ABHD2: variants seen among roughly 807,000 people sequenced by gnomAD.
ABHD2 encodes the protein monoacylglycerol lipase ABHD2.
In ABHD2, 20 loss-of-function variants were observed where a neutral mutation model predicts 48.1. That is an observed-to-expected ratio of 0.42 (90% CI 0.29 to 0.60). The LOEUF (loss-of-function observed/expected upper bound fraction) is 0.60. Among genes scored for constraint, ABHD2 ranks in the 20% least tolerant of loss-of-function variants. ABHD2 has a pLI of 0.24. For synonymous variants in ABHD2, 209 were observed against 214.2 expected, an observed-to-expected ratio of 0.98 and a Z score of 0.21; for missense variants, 405 against 550.9, an observed-to-expected ratio of 0.74 and a Z score of 2.65.
At chr15:89,064,305 T>C in the ABHD2 span, among the ~76,000 whole-genome samples, 1 of 150,574 alleles carries the variant, frequency 6.6e-6, no homozygotes, top group Non-Finnish European at 1.5e-5. Flanking sequence ...CTGCAACCTC[T>C]GCCTCCCGGG....
chr15:89,112,016 T>G (rs2049883481), intron 1 of ABHD2, among the ~76,000 whole-genome samples: 1 of 152,148 alleles, frequency 6.6e-6, no homozygotes, highest in East Asian at 1.9e-4. Context: ...AGAAGGGACC[T>G]TAGATGCTTT....
At chr15:89,158,518 A>G (rs968287808) in intron 5 of ABHD2, among the ~76,000 whole-genome samples, 1 of 152,174 alleles carries the variant, frequency 6.6e-6, no homozygotes, top group Non-Finnish European at 1.5e-5. Context: ...CTGGGTCAGG[A>G]GACAGGCTCT....
intron 1 of ABHD2, chr15:89,090,323 G>C (rs1269892330): frequency 6.6e-6 from 1 of 152,172 alleles, no homozygotes; most frequent in Admixed American, 6.5e-5. Context: ...GTTTTGAGAA[G>C]TGCATGGAGT....
chr15:89,175,932 C>T lies in ABHD2; in HGVS notation c.659C>T (p.Thr220Ile). ...ATTGTGTGCAAATACTTGGGGGAGA[C>T]TCAGGCAAACCAAGAGAAGGTCCTG... is the stretch of plus-strand genomic sequence containing the variant. ...GNIVCKYLGE[T>I]QANQEKVLCC... The change falls in exon 6 of 11, where the codon ACT becomes ATT. Residue 220 changes from threonine to isoleucine, a missense_variant. Coordinates refer to ENST00000352732, the MANE Select transcript of ABHD2 (RefSeq NM_152924.5). This position sits in a 1 kb window ranked among gnomAD's most constrained non-coding sequence, Gnocchi z 5.7. The T allele has an allele frequency of 6.2e-7, 1 of 1,614,090 alleles. No homozygotes were observed. Among genetic ancestry groups the T allele is most frequent in the Non-Finnish European group, 8.5e-7 (1 of 1,179,996 alleles).
At chr15:89,073,255 G>A in the ABHD2 span, among the ~76,000 whole-genome samples, 1 of 152,164 alleles carries the variant, frequency 6.6e-6, no homozygotes, top group South Asian at 2.1e-4. Flanking sequence ...GGACCTAGGT[G>A]TGAGCTCAGA....
At chr15:89,076,988 T>G in the ABHD2 span, among the ~76,000 whole-genome samples, 2 of 152,220 alleles carry the variant, frequency 1.3e-5, no homozygotes, top group Non-Finnish European at 2.9e-5. Context: ...TCTATTTTGC[T>G]TTCTTGTTTT....
At chr15:89,140,200 A>C (rs1445986737) in intron 3 of ABHD2, among the ~76,000 whole-genome samples, 1 of 152,214 alleles carries the variant, frequency 6.6e-6, no homozygotes, top group Non-Finnish European at 1.5e-5. Context: ...CTCACGTGCT[A>C]TGTTAGCAGT....
At chr15:89,134,476 T>C (rs554841380) in intron 3 of ABHD2, among the ~76,000 whole-genome samples, 4 of 152,202 alleles carry the variant, frequency 2.6e-5, no homozygotes, top group African/African-American at 9.7e-5. Context: ...TCCAGTCTTT[T>C]GTGTTCTGTT....
At position 89,114,901 on chromosome 15, in the gene ABHD2, G is replaced by T. The variant is rs1462952062; in HGVS notation, c.-7+1077G>T. Among the ~76,000 whole-genome samples, 2 of 152,158 alleles carry T rather than the reference G, an allele frequency of 1.3e-5. No homozygotes were observed. The highest frequency in any genetic ancestry group is 2.1e-4 in the South Asian group (1 of 4,834). ...GTAAGTTTTTAAAAATCCTTGTCTTGCCCTGATGGTGGAAGACTAGTTACG... is the reference window on the plus strand; with the variant it reads ...GTAAGTTTTTAAAAATCCTTGTCTTTCCCTGATGGTGGAAGACTAGTTACG... On this transcript the variant is annotated intron_variant, in intron 2 of 10. Coordinates refer to ENST00000352732, the MANE Select transcript of ABHD2 (RefSeq NM_152924.5). This position sits in a 1 kb window ranked among gnomAD's most constrained non-coding sequence, Gnocchi z 4.2.
rs991566252 is a variant in ABHD2, at chr15:89,175,927, G to A, written c.654G>A (p.Gly218=). ...GTAACATTGTGTGCAAATACTTGGG[G>A]GAGACTCAGGCAAACCAAGAGAAGG... ...LGGNIVCKYL[G]ETQANQEKVL... The change falls in exon 6 of 11, where the codon GGG becomes GGA. Residue 218 remains glycine, a synonymous_variant. Transcript: ENST00000352732. This position sits in a 1 kb window ranked among gnomAD's most constrained non-coding sequence, Gnocchi z 5.7. 1.2e-6 allele frequency: 2 copies of A among 1,614,112 alleles called. No homozygotes were observed. Among genetic ancestry groups the A allele is most frequent in the Admixed American group, 3.3e-5 (2 of 60,000 alleles).
At chr15:89,070,724 C>T in the ABHD2 span, among the ~76,000 whole-genome samples, 1 of 152,128 alleles carries the variant, frequency 6.6e-6, no homozygotes, top group Non-Finnish European at 1.5e-5. Context: ...AGTGGGCAAG[C>T]CTCTAGAATA....
In ABHD2 at chr15:89,106,511, C is replaced by G. The variant is rs2049788529; in HGVS notation, c.-106-7214C>G. ...CTGTGCAGTTCCCGAAGCCTCCTGG[C>G]TATGTTCTGAGGCTCTCCCATCCCA... On this transcript the variant is annotated intron_variant, in intron 1 of 10. Coordinates refer to ENST00000352732, the MANE Select transcript of ABHD2 (RefSeq NM_152924.5). The surrounding 1 kb of genome is among the most constrained non-coding windows in gnomAD (Gnocchi z 4.2). 1 of 152,194 alleles carries G rather than the reference C, an allele frequency of 6.6e-6. No homozygotes were observed. Among genetic ancestry groups the G allele is most frequent in the African/African-American group, 2.4e-5 (1 of 41,410 alleles). 9.4% of individuals were successfully genotyped at this position (152,194 alleles called of 1,614,324 possible).
chr15:89,123,244 C>G (rs2050079374), intron 3 of ABHD2, among the ~76,000 whole-genome samples: 1 of 152,174 alleles, frequency 6.6e-6, no homozygotes, highest in African/African-American at 2.4e-5. Context: ...ATGGGAGGAG[C>G]CCTGTGGCCC....
chr15:89,093,364 G>C (rs982287680), intron 1 of ABHD2, among the ~76,000 whole-genome samples: 2 of 151,906 alleles, frequency 1.3e-5, no homozygotes, highest in Non-Finnish European at 2.9e-5. Flanking sequence ...ATTTTTGGTA[G>C]AGACAGGGTT....
chr15:89,154,836 G>A (rs973254793), intron 4 of ABHD2, among the ~76,000 whole-genome samples: 10 of 152,208 alleles, frequency 6.6e-5, no homozygotes, highest in African/African-American at 2.4e-4. Context: ...TGTATTGCAT[G>A]ATTGAACACA....
chr15:89,181,587 A>AT (rs1354923436), intron 6 of ABHD2, among the ~76,000 whole-genome samples: 9 of 151,758 alleles, frequency 5.9e-5, no homozygotes, highest in Admixed American at 5.9e-4. Flanking sequence ...CATTCTCCAT[A>AT]TTTTTTCAAA....
intron 1 of ABHD2, among the ~76,000 whole-genome samples, chr15:89,111,468 C>G (rs2049873978): frequency 1.3e-5 from 2 of 152,170 alleles, no homozygotes; most frequent in African/African-American, 4.8e-5. Context: ...ATTAAGTTGT[C>G]AAGAATTCAG....
At chr15:89,153,379 A>G (rs1400028399) in intron 4 of ABHD2, among the ~76,000 whole-genome samples, 1 of 152,168 alleles carries the variant, frequency 6.6e-6, no homozygotes, top group Non-Finnish European at 1.5e-5. Context: ...TGTGTTTATA[A>G]ATCTGTAGCT....
chr15:89,052,851 C>G, the ABHD2 span, among the ~76,000 whole-genome samples: 2,232 of 152,264 alleles, frequency 0.015, 61 homozygotes, highest in African/African-American at 0.052. Context: ...GTACCCTTTG[C>G]CTTTCACCTT....
Sources: gnomAD v4.1 joint callset for allele counts (sites outside exome capture counted in the v4.1 genomes callset) on GRCh38, gnomAD v4.1.1 for gene constraint, Gnocchi (gnomAD v3.1) non-coding constraint, MANE v1.5 for transcripts, NCBI Gene and HGNC (gene_info 2026-07-23, HGNC 2026-07-21) for gene names.